The following TCIRG1 variants were observed in gnomAD, a reference collection of about 807,000 sequenced individuals.
TCIRG1 encodes V-type proton ATPase 116 kDa subunit a 3.
In TCIRG1, 86 loss-of-function variants were observed where a neutral mutation model predicts 95.5. That is an observed-to-expected ratio of 0.90 (90% CI 0.76 to 1.08). The LOEUF (loss-of-function observed/expected upper bound fraction) is 1.08, where lower values mean the gene tolerates loss of function less well. Among genes scored for constraint, TCIRG1 ranks in the 50% least tolerant of loss-of-function variants. The pLI is 0.00. For synonymous variants in TCIRG1, 499 were observed against 501.3 expected, an observed-to-expected ratio of 1.00 and a Z score of 0.06; for missense variants, 1,069 against 1,140.2, an observed-to-expected ratio of 0.94 and a Z score of 0.90.
rs764330464 is a variant in TCIRG1 at position 68,041,388 on chromosome 11, C to G, written c.117C>G (p.Asp39Glu). 1.7e-5 allele frequency: 28 copies of G among 1,606,802 alleles called. No homozygotes were observed. The highest frequency in any genetic ancestry group is 2.1e-5 in the Non-Finnish European group (25 of 1,174,814). The change falls in exon 2 of 20, where the codon GAC (aspartate) becomes GAG (glutamate). Residue 39 changes from aspartate to glutamate, a missense_variant and splice_region_variant. Asp to Glu is a conservative substitution (Grantham distance 45, BLOSUM62 2). Transcript: ENST00000265686. ...LGELGLVEFRDLNASVSAFQR... is the reference protein window; with the variant it reads ...LGELGLVEFRELNASVSAFQR... ...AGCTGGGCCTCGTGGAGTTCAGAGA[C>G]GTGAGTTGGGTGGGCAGGCGTGGGA...
downstream of TCIRG1, chr11:68,053,735 T>G: frequency 2.4e-6 from 1 of 413,722 alleles, no homozygotes; most frequent in Non-Finnish European, 4.3e-6. Context: ...ATTAAAAGGA[T>G]TCAGAGATGT....
chr11:68,041,575 C>T (rs564296236), intron 2 of TCIRG1, among the ~76,000 whole-genome samples, 178 bp from the exon 3 acceptor site: 26 of 152,314 alleles, frequency 1.7e-4, no homozygotes, highest in Non-Finnish European at 3.1e-4. Context: ...CCTCCCCATA[C>T]CCTCCTGGGG....
chr11:68,053,760 A>G (rs1301522986), downstream of TCIRG1: 4 of 498,464 alleles, frequency 8.0e-6, no homozygotes, highest in East Asian at 6.6e-5. Context: ...CTATTGCACT[A>G]TATTTCTGCT....
At chr11:68,050,952 G>T (rs1213753538), downstream of TCIRG1, 32 of 1,011,302 alleles carry the variant, frequency 3.2e-5, no homozygotes, top group Non-Finnish European at 4.2e-5. Flanking sequence ...AGGGTAGAAG[G>T]CATGGTGTAG....
At chr11:68,043,973 G>C (rs1469628633) in intron 8 of TCIRG1, 66 bp downstream of exon 8, 1 of 1,386,394 alleles carries the variant, frequency 7.2e-7, no homozygotes, top group Non-Finnish European at 9.9e-7. Context: ...CCGGAGGTGG[G>C]TGCAGGAGGT....
At chr11:68,042,003 G>T (rs1590801352) in intron 3 of TCIRG1, among the ~76,000 whole-genome samples, 172 bp downstream of exon 3, 1 of 152,232 alleles carries the variant, frequency 6.6e-6, no homozygotes, top group South Asian at 2.1e-4. Flanking sequence ...GTGTGCTTGC[G>T]AAGGTGGCTG....
chr11:68,048,134 C>A, intron 13 of TCIRG1, 162 bp downstream of exon 13: 2 of 723,466 alleles, frequency 2.8e-6, no homozygotes. Context: ...CCCTGCGGAG[C>A]CTGCATCACA....
In TCIRG1 at chr11:68,050,596, G is replaced by A. The variant is rs749090144; in HGVS notation, c.2346G>A (p.Val782=). The change falls in exon 19 of 20, where the codon GTG becomes GTA. Residue 782 remains valine, a synonymous_variant. Coordinates refer to ENST00000265686, the MANE Select transcript of TCIRG1 (RefSeq NM_006019.4). The stretch of plus-strand genomic sequence containing the variant: ...TCCCCATCTTTGCCGCCTTTGCCGT[G>A]ATGACCGTGGCTATCCTGCTGGTGA... ...VLVPIFAAFA[V]MTVAILLVME... 1.2e-6 allele frequency: 2 copies of A among 1,613,404 alleles called. No individual in the cohort carries two copies. The highest frequency in any genetic ancestry group is 2.7e-5 in the African/African-American group (2 of 74,938).
chr11:68,051,072 A>G (rs1004221536), downstream of TCIRG1: 1 of 570,160 alleles, frequency 1.8e-6, no homozygotes, highest in Non-Finnish European at 3.1e-6. Flanking sequence ...TTTCCAGCAC[A>G]TTCTAACTTG....
At chr11:68,042,122 T>C (rs1296347393) in intron 3 of TCIRG1, among the ~76,000 whole-genome samples, 1 of 150,312 alleles carries the variant, frequency 6.7e-6, no homozygotes, top group African/African-American at 2.5e-5. Flanking sequence ...GCCACAGGGG[T>C]TTCTAAGCAG....
intron 10 of TCIRG1, chr11:68,046,844 G>C (rs1048241830): frequency 2.2e-6 from 1 of 455,996 alleles, no homozygotes; most frequent in African/African-American, 2.0e-5. Context: ...AACAGCAACA[G>C]CTGAAGCTGC....
rs369222109 is a variant in TCIRG1 at position 68,044,998 on chromosome 11, G to C, written c.1061G>C (p.Cys354Ser). The C allele has an allele frequency of 6.2e-6, 10 of 1,608,618 alleles. No individual in the cohort carries two copies. The African/African-American group carries it at 1.2e-4, about 19-fold the overall frequency. ...GVSAVAHRIP[C>S]RDMPPTLIRT... Reference sequence around the variant, plus strand: ...AGTGCCGTGGCTCACCGCATCCCCTGCCGGGACATGCCCCCCACACTCATC... The same window carrying C: ...AGTGCCGTGGCTCACCGCATCCCCTCCCGGGACATGCCCCCCACACTCATC... The change falls in exon 10 of 20, where the codon TGC becomes TCC. Residue 354 changes from cysteine (C) to serine (S), a missense_variant. Physicochemically the swap from Cys to Ser is moderately radical, Grantham distance 112. Transcript: ENST00000265686.
In TCIRG1 at chr11:68,044,883, T is replaced by C. The variant is rs907464027; in HGVS notation, c.1021-75T>C. The C allele has an allele frequency of 2.5e-6, 4 of 1,580,152 alleles. No individual in the cohort carries two copies. The African/African-American group carries it at 4.0e-5, about 16-fold the overall frequency. ...CCCCACAGGGCTCTACATCTCCAGC[T>C]GGGCCTGGCTGGAGATCCCAGGGTC... On this transcript the variant is annotated intron_variant, in intron 9 of 19. Transcript: ENST00000265686.
At chr11:68,040,385 G>A (rs1321596427) in intron 1 of TCIRG1, among the ~76,000 whole-genome samples, 3 of 152,210 alleles carry the variant, frequency 2.0e-5, no homozygotes, top group Non-Finnish European at 4.4e-5. Flanking sequence ...GTGTTCCCTC[G>A]TTCCCTCCTT....
chr11:68,050,412 C>T (rs1483301710), intron 18 of TCIRG1, 75 bp from the exon 19 acceptor site: 1 of 1,610,304 alleles, frequency 6.2e-7, no homozygotes, highest in South Asian at 1.1e-5. Context: ...GGGAGGGCTT[C>T]AGGCTGCGGC....
Position 68,041,734 on chromosome 11 carries a change from C to T in TCIRG1, c.118-19C>T, listed in dbSNP as rs1206047661. 3 of 1,601,754 alleles carry T rather than the reference C, an allele frequency of 1.9e-6. No homozygotes were observed. The highest frequency in any genetic ancestry group is 2.6e-6 in the Non-Finnish European group (3 of 1,174,344). ...GACCCCCTTCCCGGGACACTCACCC[C>T]TCCGTGTGGCACCCACAGCTCAACG... On this transcript the variant is annotated intron_variant, in intron 2 of 19. Coordinates refer to ENST00000265686, the MANE Select transcript of TCIRG1 (RefSeq NM_006019.4).
At chr11:68,045,876 A>G (rs944345660) in intron 10 of TCIRG1, among the ~76,000 whole-genome samples, 21 of 152,164 alleles carry the variant, frequency 1.4e-4, no homozygotes, top group Middle Eastern at 3.4e-3. Context: ...TCCTGTGACC[A>G]AGTCCCCTCC....
chr11:68,047,104 G>A (rs1280066041), intron 10 of TCIRG1: 5 of 366,128 alleles, frequency 1.4e-5, no homozygotes, highest in South Asian at 2.1e-5. Flanking sequence ...TCCGCCTCCC[G>A]GGTTCAAATG....
intron 2 of TCIRG1, 72 bp downstream of exon 2, chr11:68,041,460 A>AGTCCCCATC: frequency 8.7e-7 from 1 of 1,143,048 alleles, no homozygotes; most frequent in Non-Finnish European, 1.3e-6. Flanking sequence ...CAGGATGGGG[A>AGTCCCCATC]CTGCCCCCCC....
Sources: allele counts gnomAD v4.1 joint callset (sites outside exome capture counted in the v4.1 genomes callset), GRCh38; gene constraint gnomAD v4.1.1; transcripts MANE v1.5; gene names NCBI Gene and HGNC (gene_info 2026-07-23, HGNC 2026-07-21).